The following RBM47 variants were observed in gnomAD, a reference collection of about 807,000 sequenced individuals.
RBM47 encodes the protein RNA binding motif protein 47.
Under a neutral mutation model 47.1 loss-of-function variants are expected in RBM47, and 21 were observed. That is an observed-to-expected ratio of 0.45 (90% CI 0.32 to 0.64). RBM47 has a LOEUF of 0.64. Among genes scored for constraint, RBM47 ranks in the 30% least tolerant of loss-of-function variants. RBM47 has a pLI of 0.05. For synonymous variants in RBM47, 375 were observed against 361.7 expected (o/e 1.04, Z -0.42); for missense variants, 708 against 870.9 (o/e 0.81, Z 2.35).
At chr4:40,501,446 G>GGCCA (rs1387437441) in intron 2 of RBM47, among the ~76,000 whole-genome samples, 1 of 152,288 alleles carries the variant, frequency 6.6e-6, no homozygotes, top group African/African-American at 2.4e-5. Context: ...CAAGCATCTA[G>GGCCA]GCCAGTGCCA....
At chr4:40,426,470 A>C (rs77871969) in intron 6 of RBM47, among the ~76,000 whole-genome samples, 7,180 of 152,200 alleles carry the variant, frequency 0.047, 356 homozygotes, top group African/African-American at 0.12. Context: ...CAAAATCCTC[A>C]GATGCTCGAG....
chr4:40,449,835 C>T (rs866533380), intron 3 of RBM47, among the ~76,000 whole-genome samples: 21 of 151,042 alleles, frequency 1.4e-4, no homozygotes, highest in South Asian at 4.2e-4. Flanking sequence ...TGCACCACCA[C>T]GCCCAGCTAA....
At chr4:40,478,174 C>T (rs368310632) in intron 2 of RBM47, among the ~76,000 whole-genome samples, 5 of 151,994 alleles carry the variant, frequency 3.3e-5, no homozygotes, top group Admixed American at 2.6e-4. Flanking sequence ...CGCCACCACG[C>T]CCGGATAATT....
chr4:40,472,765 T>C (rs1460742356), intron 2 of RBM47, among the ~76,000 whole-genome samples: 1 of 152,122 alleles, frequency 6.6e-6, no homozygotes, highest in African/African-American at 2.4e-5. Flanking sequence ...TTTATGGATT[T>C]TTTTTTTAAA....
chr4:40,548,070 G>A (rs917207040), intron 1 of RBM47, among the ~76,000 whole-genome samples: 17 of 152,144 alleles, frequency 1.1e-4, no homozygotes, highest in African/African-American at 3.9e-4. Context: ...GCACAGAGTT[G>A]GGACGAGACC....
chr4:40,509,770 T>C (rs60475899), intron 2 of RBM47, among the ~76,000 whole-genome samples: 23,838 of 151,904 alleles, frequency 0.16, 2,202 homozygotes, highest in East Asian at 0.26. Context: ...CCTGTAGTCC[T>C]AGCTACTGCG....
chr4:40,598,598 G>A (rs10024251), intron 1 of RBM47, among the ~76,000 whole-genome samples: 5,943 of 151,448 alleles, frequency 0.039, 373 homozygotes, highest in African/African-American at 0.14. Context: ...AAAAAGAAGA[G>A]ACAAATAAAT....
intron 2 of RBM47, among the ~76,000 whole-genome samples, chr4:40,473,720 T>C (rs1719238573): frequency 6.6e-6 from 1 of 152,210 alleles, no homozygotes; most frequent in East Asian, 1.9e-4. Context: ...CTTTAGAAAG[T>C]TTTTGAGGAC....
chr4:40,562,461 ATTT>A (rs67887812), intron 1 of RBM47, among the ~76,000 whole-genome samples: 30 of 113,752 alleles, frequency 2.6e-4, no homozygotes, highest in African/African-American at 7.2e-4. Context: ...ACTTCTCCCT[ATTT>A]TTTTTTTTTT....
At position 40,438,576 on chromosome 4, in the gene RBM47, A is replaced by G. The variant is rs371070859; in HGVS notation, c.318T>C (p.Phe106=). The G allele has an allele frequency of 6.2e-7, 1 of 1,613,952 alleles. No individual in the cohort carries two copies. The highest frequency in any genetic ancestry group is 8.5e-7 in the Non-Finnish European group (1 of 1,179,982). ...AGGCGTAGCCGCGGTTCTTGCCGTCAAAGTCCATCATGAGGCGCAGCTCGT... is the reference window on the plus strand; with the variant it reads ...AGGCGTAGCCGCGGTTCTTGCCGTCGAAGTCCATCATGAGGCGCAGCTCGT... ...RIYELRLMMD[F]DGKNRGYAFV... is the part of the protein sequence containing the mutation. The change falls in exon 4 of 7, where the codon TTT becomes TTC. Residue 106 remains phenylalanine, a synonymous_variant. Transcript: ENST00000295971.
At chr4:40,514,511 C>A (rs564932929) in intron 2 of RBM47, 1 of 152,286 alleles carries the variant, frequency 6.6e-6, no homozygotes, top group East Asian at 1.9e-4. Flanking sequence ...GTAGGAAGCA[C>A]GTACCTGCTA....
intron 2 of RBM47, among the ~76,000 whole-genome samples, chr4:40,529,877 TATTAAAA>T (rs1727205581): frequency 7.2e-6 from 1 of 139,826 alleles, no homozygotes; most frequent in South Asian, 2.2e-4. Flanking sequence ...AATAAATAAA[TATTAAAA>T]TAAAAGTAAA....
At chr4:40,437,090 A>AAAAAAAAAAAAAAAAAAATATAT (rs1256296949) in intron 4 of RBM47, among the ~76,000 whole-genome samples, 4 of 49,798 alleles carry the variant, frequency 8.0e-5, no homozygotes, top group East Asian at 7.7e-4. Context: ...AAAAAAAAAA[A>AAAAAAAAAAAAAAAAAAATATAT]ATATATATAT....
rs539615328 is a variant in RBM47, at chr4:40,609,396, T to A, written c.-240+20000A>T. ...GCCACAATCTTGGCTCACGGTAACC[T>A]CCGCCTCCCAGGTTCAAGTGATTCT... On this transcript the variant is annotated intron_variant, in intron 1 of 6. Coordinates refer to ENST00000295971, the MANE Select transcript of RBM47 (RefSeq NM_001098634.2). Among the ~76,000 whole-genome samples, 10 of 151,488 alleles carry A rather than the reference T, an allele frequency of 6.6e-5. No individual in the cohort carries two copies. In the South Asian group the frequency reaches 2.1e-3, roughly 32 times the overall value.
intron 2 of RBM47, among the ~76,000 whole-genome samples, chr4:40,530,637 T>G (rs1481242683): frequency 6.6e-6 from 1 of 152,214 alleles, no homozygotes; most frequent in African/African-American, 2.4e-5. Context: ...TAAATAGCCA[T>G]GTGTGGCTAG....
In RBM47 at chr4:40,487,215, T is replaced by C. The variant is rs943826077; in HGVS notation, c.-154-20516A>G. Among the ~76,000 whole-genome samples the C allele has an allele frequency of 1.4e-4, 22 of 152,216 alleles. No individual in the cohort carries two copies. In the South Asian group the frequency reaches 2.9e-3, roughly 20 times the overall value. On this transcript the variant is annotated intron_variant, in intron 2 of 6. Transcript: ENST00000295971. The stretch of plus-strand genomic sequence containing the variant: ...AGCAACAAAAAAGACCCCAAAGGAA[T>C]TGGCATCTTGGGAACTCAGATTTCC...
intron 3 of RBM47, among the ~76,000 whole-genome samples, chr4:40,448,486 T>C (rs1444121148): frequency 1.3e-5 from 2 of 152,216 alleles, no homozygotes; most frequent in Non-Finnish European, 2.9e-5. Context: ...ATTCTATCTC[T>C]GTGGTTAGAT....
chr4:40,460,725 TAAAAATACAAA>T (rs1456355877), intron 3 of RBM47, among the ~76,000 whole-genome samples: 1 of 150,960 alleles, frequency 6.6e-6, no homozygotes. Flanking sequence ...CCATCTCTAC[TAAAAATACAAA>T]AGTTAGTCAG....
intron 2 of RBM47, among the ~76,000 whole-genome samples, chr4:40,469,914 C>T (rs183631338): frequency 1.7e-3 from 264 of 152,244 alleles, no homozygotes; most frequent in Non-Finnish European, 2.6e-3. Flanking sequence ...GGGTTACAGG[C>T]GTGAGCCACC....
Sources: allele counts gnomAD v4.1 joint callset (sites outside exome capture counted in the v4.1 genomes callset), GRCh38; gene constraint gnomAD v4.1.1; transcripts MANE v1.5; gene names NCBI Gene and HGNC (gene_info 2026-07-23, HGNC 2026-07-21).